UBE2D2: variants seen among roughly 807,000 people sequenced by gnomAD.
UBE2D2 encodes the protein ubiquitin conjugating enzyme E2 D2.
UBE2D2 carries 2 observed loss-of-function variants against 24.2 expected under a neutral mutation model. The ratio of observed to expected loss-of-function variants is 0.08; its 90% CI spans 0.03 to 0.26. UBE2D2 has a LOEUF of 0.26. Ranked by LOEUF, UBE2D2 falls within the 10% of genes least tolerant of loss-of-function variation. The pLI is 1.00. For missense variants in UBE2D2, 44 were observed against 177.6 expected, an observed-to-expected ratio of 0.25 and a Z score of 4.28; for synonymous variants, 58 against 56.5, an observed-to-expected ratio of 1.03 and a Z score of -0.12.
chr5:139,571,406 C>CAAAAAA (rs549829203), intron 1 of UBE2D2, among the ~76,000 whole-genome samples: 1 of 88,178 alleles, frequency 1.1e-5, no homozygotes, highest in Non-Finnish European at 2.3e-5. Context: ...GACTCCCTCT[C>CAAAAAA]AAAAAAAAAA....
At chr5:139,598,499 G>A (rs1304600832) in intron 1 of UBE2D2, among the ~76,000 whole-genome samples, 2 of 150,540 alleles carry the variant, frequency 1.3e-5, no homozygotes, top group African/African-American at 4.9e-5. Context: ...CTGAGAAGCT[G>A]GTAACTGGTT....
At chr5:139,614,019 G>A (rs1163513811) in intron 2 of UBE2D2, among the ~76,000 whole-genome samples, 6 of 147,238 alleles carry the variant, frequency 4.1e-5, no homozygotes, top group Admixed American at 6.9e-5. Flanking sequence ...CCGAAATTGC[G>A]CCAGCGCACT....
At chr5:139,576,271 C>T (rs1236616925) in intron 1 of UBE2D2, among the ~76,000 whole-genome samples, 1 of 152,164 alleles carries the variant, frequency 6.6e-6, no homozygotes, top group Non-Finnish European at 1.5e-5. Flanking sequence ...GTCAGTCTGT[C>T]TTCAGGTCCA....
intron 1 of UBE2D2, among the ~76,000 whole-genome samples, chr5:139,590,834 G>A (rs368246717): frequency 3.0e-4 from 34 of 112,666 alleles, no homozygotes; most frequent in African/African-American, 1.1e-3. Context: ...TTGCTCTGTC[G>A]CCCAGGCTGG....
At chr5:139,601,746 A>G (rs1306802356) in intron 2 of UBE2D2, among the ~76,000 whole-genome samples, 1 of 152,012 alleles carries the variant, frequency 6.6e-6, no homozygotes, top group Non-Finnish European at 1.5e-5. Context: ...CGCCTCTACT[A>G]AAAATAGAAA....
chr5:139,534,772 G>A lies in UBE2D2; in HGVS notation c.-64+8160G>A, dbSNP rs558545985. Reference sequence around the variant, plus strand: ...ATAAAAAAAAGAAATTTATTCTAAGGAAACAGTTAATTGGGCACAAACATT... The same window carrying A: ...ATAAAAAAAAGAAATTTATTCTAAGAAAACAGTTAATTGGGCACAAACATT... On this transcript the variant is annotated intron_variant, in intron 1 of 6. Coordinates refer to the UBE2D2 transcript ENST00000511725. 1.8e-4 allele frequency among the ~76,000 whole-genome samples: 28 copies of A among 152,012 alleles called. No individual in the cohort carries two copies. The South Asian group carries it at 5.6e-3, about 30-fold the overall frequency.
intron 1 of UBE2D2, among the ~76,000 whole-genome samples, chr5:139,544,693 T>C (rs896398207): frequency 1.3e-5 from 2 of 152,130 alleles, no homozygotes; most frequent in African/African-American, 4.8e-5. Context: ...CAATAAATAG[T>C]GCACATTTAA....
intron 1 of UBE2D2, among the ~76,000 whole-genome samples, chr5:139,527,520 T>C (rs1047773732): frequency 3.9e-5 from 6 of 152,334 alleles, no homozygotes; most frequent in South Asian, 2.1e-4. Context: ...ACTTCTAATC[T>C]TGTGGCCTTA....
intron 2 of UBE2D2, among the ~76,000 whole-genome samples, chr5:139,605,125 A>G (rs1754170959): frequency 1.3e-5 from 2 of 152,216 alleles, no homozygotes; most frequent in Non-Finnish European, 2.9e-5. Flanking sequence ...GTGTAAAAAT[A>G]AAGTGGAGAC....
intron 6 of UBE2D2, among the ~76,000 whole-genome samples, chr5:139,623,950 C>A (rs1754566351): frequency 6.6e-6 from 1 of 152,152 alleles, no homozygotes; most frequent in South Asian, 2.1e-4. Context: ...CTAGGCCTCC[C>A]AAAGTGCTGG....
chr5:139,575,135 G>A (rs572078280), intron 1 of UBE2D2, among the ~76,000 whole-genome samples: 2 of 152,232 alleles, frequency 1.3e-5, no homozygotes, highest in South Asian at 2.1e-4. Flanking sequence ...TCACCCTCCC[G>A]TACTTGCTCT....
At chr5:139,553,948 T>A (rs1170234576) in intron 1 of UBE2D2, among the ~76,000 whole-genome samples, 1 of 151,822 alleles carries the variant, frequency 6.6e-6, no homozygotes, top group African/African-American at 2.4e-5. Flanking sequence ...CCTGGCTAAT[T>A]TTTATATTTT....
chr5:139,581,241 G>A (rs1234419235), intron 1 of UBE2D2, among the ~76,000 whole-genome samples: 2 of 152,158 alleles, frequency 1.3e-5, no homozygotes, highest in Non-Finnish European at 1.5e-5. Flanking sequence ...GAGGTCAGGA[G>A]TTTGAGACCA....
At chr5:139,558,218 T>G (rs1753006445), upstream of UBE2D2, among the ~76,000 whole-genome samples, 1 of 152,234 alleles carries the variant, frequency 6.6e-6, no homozygotes. Flanking sequence ...TACATTTATA[T>G]GCTAGAATAC....
intron 1 of UBE2D2, among the ~76,000 whole-genome samples, chr5:139,535,454 A>G (rs975020329): frequency 1.3e-5 from 2 of 151,696 alleles, no homozygotes; most frequent in Non-Finnish European, 2.9e-5. Context: ...CGTCTCAAAA[A>G]AAAACAAAAA....
intron 2 of UBE2D2, 103 bp from the exon 3 acceptor site, chr5:139,614,483 T>C (rs1754384468): frequency 1.5e-6 from 2 of 1,324,650 alleles, no homozygotes; most frequent in African/African-American, 2.9e-5. Context: ...ATTATCATAT[T>C]ATTTATAAAT....
chr5:139,602,179 G>C (rs1012854099), intron 2 of UBE2D2, among the ~76,000 whole-genome samples: 4 of 152,058 alleles, frequency 2.6e-5, no homozygotes, highest in Admixed American at 2.6e-4. Flanking sequence ...AGCCTTCCAA[G>C]TAGCTTGGAT....
intron 1 of UBE2D2, among the ~76,000 whole-genome samples, chr5:139,572,103 G>A (rs1753363260): frequency 6.6e-6 from 1 of 152,134 alleles, no homozygotes; most frequent in African/African-American, 2.4e-5. Context: ...TTACTTAATT[G>A]CCACATTCAG....
intron 1 of UBE2D2, among the ~76,000 whole-genome samples, chr5:139,585,959 A>AG (rs1392672483): frequency 2.7e-5 from 4 of 150,524 alleles, no homozygotes; most frequent in East Asian, 1.9e-4. Context: ...AAAAAAAAAA[A>AG]AAGAAGAAAG....
Sources: allele counts gnomAD v4.1 joint callset (sites outside exome capture counted in the v4.1 genomes callset), GRCh38; gene constraint gnomAD v4.1.1; transcripts MANE v1.5; gene names NCBI Gene and HGNC (gene_info 2026-07-23, HGNC 2026-07-21).